PRKD3: variants seen among roughly 807,000 people sequenced by gnomAD.
PRKD3 encodes protein kinase D3.
Under a neutral mutation model 99.2 loss-of-function variants are expected in PRKD3, and 47 were observed. The observed-to-expected ratio is 0.47, with a 90% CI of 0.38 to 0.60. PRKD3 has a LOEUF of 0.60. Ranked by LOEUF, PRKD3 falls within the 20% of genes least tolerant of loss-of-function variation. PRKD3 has a pLI of 0.00. For missense variants in PRKD3, 1,019 were observed against 1,088.4 expected, an observed-to-expected ratio of 0.94 and a Z score of 0.90; for synonymous variants, 392 against 355.4, an observed-to-expected ratio of 1.10 and a Z score of -1.16.
At chr2:37,260,697 C>A (rs978987313) in intron 14 of PRKD3, among the ~76,000 whole-genome samples, 1 of 152,084 alleles carries the variant, frequency 6.6e-6, no homozygotes, top group Admixed American at 6.5e-5. Context: ...TCATGCTTTC[C>A]CTGAATAGGC....
chr2:37,256,517 G>A, intron 17 of PRKD3, 145 bp downstream of exon 17: 3 of 1,104,630 alleles, frequency 2.7e-6, no homozygotes, highest in South Asian at 1.9e-5. Context: ...CAAAAAACTG[G>A]TAACTAGTTG....
chr2:37,269,192 T>C (rs1426458732), intron 13 of PRKD3: 1 of 193,368 alleles, frequency 5.2e-6, no homozygotes, highest in Non-Finnish European at 1.1e-5. Flanking sequence ...AATCGCAAAG[T>C]TGGATTTCAG....
chr2:37,258,877 A>G lies in PRKD3; in HGVS notation c.2145+706T>C, dbSNP rs76852559. 4.9e-3 allele frequency among the ~76,000 whole-genome samples: 754 copies of G among 152,330 alleles called. 8 individuals carry two copies. Among genetic ancestry groups the G allele is most frequent in the African/African-American group, 0.017 (691 of 41,572 alleles). On this transcript the variant is annotated intron_variant, in intron 16 of 18. Coordinates refer to ENST00000234179, the MANE Select transcript of PRKD3 (RefSeq NM_005813.6). ...TACATGTTTCAAATGTATATAAACA[A>G]TAGTTTGGCAACAGATATTTGAGCT... is the stretch of plus-strand genomic sequence containing the variant.
intron 1 of PRKD3, among the ~76,000 whole-genome samples, chr2:37,320,239 C>G (rs1377996240): frequency 1.3e-5 from 2 of 152,090 alleles, no homozygotes; most frequent in Non-Finnish European, 2.9e-5. Context: ...AACTAGTTTC[C>G]CTGACTCCAA....
At chr2:37,314,867 G>C (rs2124899664) in intron 2 of PRKD3, among the ~76,000 whole-genome samples, 1 of 152,238 alleles carries the variant, frequency 6.6e-6, no homozygotes, top group African/African-American at 2.4e-5. Context: ...CAAAGCTACG[G>C]AAGGATACAA....
At position 37,289,261 on chromosome 2, in the gene PRKD3, T is replaced by C. The variant is rs142308500; in HGVS notation, c.717+95A>G. ...TAAGTGTAGGAACATTACCATTCTT[T>C]AGCATATAAATTATGTTCTAGAGTG... On this transcript the variant is annotated intron_variant, in intron 5 of 18. Coordinates refer to ENST00000234179, the MANE Select transcript of PRKD3 (RefSeq NM_005813.6). 1.4e-4 allele frequency: 195 copies of C among 1,371,022 alleles called. No homozygotes were observed. In the African/African-American group the frequency reaches 2.7e-3, roughly 19 times the overall value. 84.9% of individuals were successfully genotyped at this position (1,371,022 alleles called of 1,614,324 possible).
intron 8 of PRKD3, 53 bp from the exon 9 acceptor site, chr2:37,278,042 A>G (rs1669659444): frequency 7.4e-6 from 11 of 1,494,406 alleles, no homozygotes; most frequent in Non-Finnish European, 1.0e-5. Context: ...AAAATCATAT[A>G]AATACTGTAG....
At chr2:37,297,455 ATATT>A (rs1323337117) in intron 2 of PRKD3, among the ~76,000 whole-genome samples, 7 of 152,286 alleles carry the variant, frequency 4.6e-5, no homozygotes, top group Non-Finnish European at 7.4e-5. Flanking sequence ...GTTACATGCT[ATATT>A]TATTACAATT....
At chr2:37,294,660 T>C (rs1670597128) in intron 2 of PRKD3, among the ~76,000 whole-genome samples, 2 of 152,208 alleles carry the variant, frequency 1.3e-5, no homozygotes, top group South Asian at 2.1e-4. Flanking sequence ...TAAATCTTCA[T>C]TTAAATTTTA....
intron 13 of PRKD3, chr2:37,269,236 C>G (rs57555618): frequency 0.019 from 4,018 of 216,110 alleles, 183 homozygotes; most frequent in African/African-American, 0.087. Flanking sequence ...AACAATCATG[C>G]CAACAGTAGA....
At chr2:37,321,798 T>A (rs1239072108) in intron 1 of PRKD3, among the ~76,000 whole-genome samples, 1 of 152,180 alleles carries the variant, frequency 6.6e-6, no homozygotes, top group African/African-American at 2.4e-5. Context: ...AAGGAAATAT[T>A]TAAGCTGAGA....
At chr2:37,276,805 C>CATAT (rs1028210046) in intron 9 of PRKD3, among the ~76,000 whole-genome samples, 2 of 139,706 alleles carry the variant, frequency 1.4e-5, no homozygotes, top group African/African-American at 5.3e-5. Context: ...CACACACACA[C>CATAT]ATACACATAT....
At chr2:37,289,315 A>T (rs368175281) in intron 5 of PRKD3, 41 bp downstream of exon 5, 552 of 1,598,368 alleles carry the variant, frequency 3.5e-4, no homozygotes, top group Non-Finnish European at 4.3e-4. Context: ...AAACACAGAG[A>T]ATAACTACTA....
chr2:37,279,675 T>A, intron 8 of PRKD3, 71 bp downstream of exon 8: 1 of 1,222,066 alleles, frequency 8.2e-7, no homozygotes, highest in African/African-American at 1.6e-5. Flanking sequence ...TAAAGAGACG[T>A]GGCTTTTTCT....
Position 37,316,568 on chromosome 2 carries a change from A to C in PRKD3, c.-44T>G. 1 of 1,579,400 alleles carries C rather than the reference A, an allele frequency of 6.3e-7. No individual in the cohort carries two copies. Among genetic ancestry groups the C allele is most frequent in the Non-Finnish European group, 8.6e-7 (1 of 1,164,608 alleles). ...TTAAAATAGTTGTCGATTCTTTTTC[A>C]ATGGTTATGAAGAGGTTTTTAAAAT... On this transcript the variant is annotated 5_prime_UTR_variant, in exon 2 of 19. It adds an upstream start codon to the 5' untranslated region. Coordinates refer to ENST00000234179, the MANE Select transcript of PRKD3 (RefSeq NM_005813.6).
intron 11 of PRKD3, among the ~76,000 whole-genome samples, chr2:37,273,858 TA>T: frequency 6.6e-6 from 1 of 152,232 alleles, no homozygotes; most frequent in Non-Finnish European, 1.5e-5. Flanking sequence ...TTATCCAATT[TA>T]GGCTTAATTA....
At chr2:37,298,897 CAATT>C (rs1670788504) in intron 2 of PRKD3, among the ~76,000 whole-genome samples, 1 of 152,096 alleles carries the variant, frequency 6.6e-6, no homozygotes, top group South Asian at 2.1e-4. Context: ...TCTTCCTTTC[CAATT>C]TGGATACCAT....
At chr2:37,297,487 ACATTAT>A (rs1477251867) in intron 2 of PRKD3, among the ~76,000 whole-genome samples, 1 of 152,182 alleles carries the variant, frequency 6.6e-6, no homozygotes, top group Non-Finnish European at 1.5e-5. Context: ...CAATATCCAT[ACATTAT>A]CATTAACTAA....
At position 37,290,990 on chromosome 2, in the gene PRKD3, G is replaced by A; in HGVS notation, c.437C>T (p.Thr146Ile). Residue 146 changes from threonine to isoleucine, a missense_variant, in exon 4 of 19, where the codon ACA (threonine) becomes ATA (isoleucine). Around this residue, in one of 3 missense-constraint regions of PRKD3, gnomAD observed 710 missense variants for 692.7 expected, o/e 1.02. Transcript: ENST00000234179. ...LVEVVLSALA[T>I]VEDFQIRPHT... ...TGGACGAATCTGGAAGTCTTCTACT[G>A]TGGCTAAAGCTTTAAAAAAGAAAAG... 1 of 1,605,884 alleles carries A rather than the reference G, an allele frequency of 6.2e-7. No individual in the cohort carries two copies. Among genetic ancestry groups the A allele is most frequent in the Non-Finnish European group, 8.5e-7 (1 of 1,176,274 alleles).
Sources: allele counts gnomAD v4.1 joint callset (sites outside exome capture counted in the v4.1 genomes callset), GRCh38; gene constraint gnomAD v4.1.1; regional missense constraint gnomAD v4.1.1; transcripts MANE v1.5; gene names NCBI Gene and HGNC (gene_info 2026-07-23, HGNC 2026-07-21).